FSHR: variants seen among roughly 807,000 people sequenced by gnomAD.
The protein encoded by FSHR is follicle-stimulating hormone receptor.
In FSHR, 46 loss-of-function variants were observed where a neutral mutation model predicts 52.1. The ratio of observed to expected loss-of-function variants is 0.88; its 90% CI spans 0.70 to 1.13. FSHR has a LOEUF of 1.13. Among genes scored for constraint, FSHR ranks in the 50% most tolerant of loss-of-function variants. FSHR has a pLI of 0.00. For missense variants in FSHR, 964 were observed against 834.6 expected (o/e 1.16, Z -1.91); for synonymous variants, 399 against 309.6 (o/e 1.29, Z -3.03).
intron 1 of FSHR, among the ~76,000 whole-genome samples, chr2:49,121,845 T>G (rs962336574): frequency 1.3e-5 from 2 of 152,194 alleles, no homozygotes; most frequent in Non-Finnish European, 2.9e-5. Flanking sequence ...GTTTCTTCTC[T>G]GCCTCATCCT....
intron 1 of FSHR, among the ~76,000 whole-genome samples, chr2:49,135,319 T>G (rs1672450793): frequency 6.6e-6 from 1 of 152,032 alleles, no homozygotes; most frequent in Non-Finnish European, 1.5e-5. Flanking sequence ...GGAAAAAATT[T>G]GGGAACTCAC....
chr2:49,036,328 A>G (rs1209540715), intron 2 of FSHR, among the ~76,000 whole-genome samples: 3 of 152,104 alleles, frequency 2.0e-5, no homozygotes, highest in Non-Finnish European at 1.5e-5. Context: ...TCTGTGTTTC[A>G]TCATCTCCAG....
Position 49,055,369 on chromosome 2 carries a change from C to T in FSHR, c.224+12850G>A, listed in dbSNP as rs558555125. 8.5e-4 allele frequency among the ~76,000 whole-genome samples: 128 copies of T among 150,572 alleles called. 3 individuals are homozygous for T. The highest frequency in any genetic ancestry group is 8.2e-3 in the Admixed American group (124 of 15,122). On this transcript the variant is annotated intron_variant, in intron 2 of 9. Coordinates refer to ENST00000406846, the MANE Select transcript of FSHR (RefSeq NM_000145.4). ...AATAATAAAAAATAATGAAGAAAGT[C>T]TACAAAATTTATGAGGCATAGTTAA...
intron 1 of FSHR, among the ~76,000 whole-genome samples, chr2:49,074,200 C>T (rs554958607): frequency 1.4e-5 from 2 of 145,746 alleles, no homozygotes; most frequent in African/African-American, 5.0e-5. Flanking sequence ...TTATGTCAAA[C>T]CAAAAAGCTT....
intron 1 of FSHR, among the ~76,000 whole-genome samples, chr2:49,147,337 C>G (rs1672905588): frequency 6.6e-6 from 1 of 151,914 alleles, no homozygotes; most frequent in African/African-American, 2.4e-5. Context: ...AATCTAAGCG[C>G]CTAAAGAAAA....
chr2:49,150,531 A>G (rs1366413137), intron 1 of FSHR, among the ~76,000 whole-genome samples: 1 of 152,094 alleles, frequency 6.6e-6, no homozygotes, highest in Non-Finnish European at 1.5e-5. Flanking sequence ...TGTCTCATGT[A>G]ATCCTCATAG....
intron 1 of FSHR, among the ~76,000 whole-genome samples, chr2:49,131,232 G>A (rs757948136): frequency 1.3e-4 from 20 of 152,042 alleles, no homozygotes; most frequent in Non-Finnish European, 2.6e-4. Flanking sequence ...AAAGAAAGAC[G>A]AGTTGAAGAC....
At chr2:48,978,557 A>G (rs1675096726) in intron 8 of FSHR, among the ~76,000 whole-genome samples, 1 of 152,260 alleles carries the variant, frequency 6.6e-6, no homozygotes, top group Middle Eastern at 3.2e-3. Flanking sequence ...TGCAAAGGCA[A>G]TGCATTAAAT....
intron 4 of FSHR, among the ~76,000 whole-genome samples, chr2:49,010,363 TC>T (rs1258884770): frequency 6.6e-6 from 1 of 151,128 alleles, no homozygotes; most frequent in Admixed American, 6.6e-5. Flanking sequence ...CAGCCTTGCA[TC>T]CCAGGGATGA....
intron 8 of FSHR, among the ~76,000 whole-genome samples, chr2:48,973,946 G>T (rs922870948): frequency 4.3e-5 from 5 of 116,680 alleles, no homozygotes; most frequent in African/African-American, 2.6e-4. Context: ...GCAGGCTTTT[G>T]TGTTCTGTAT....
At chr2:49,027,572 G>A (rs187046200) in intron 2 of FSHR, among the ~76,000 whole-genome samples, 4 of 152,216 alleles carry the variant, frequency 2.6e-5, no homozygotes, top group African/African-American at 2.4e-5. Context: ...AGGAAGGGCC[G>A]GGCGCAGTGG....
intron 1 of FSHR, among the ~76,000 whole-genome samples, chr2:49,077,303 G>C (rs1219980544): frequency 6.6e-6 from 1 of 152,188 alleles, no homozygotes; most frequent in Non-Finnish European, 1.5e-5. Flanking sequence ...CCAAGGCTTG[G>C]GGCTTGCACC....
chr2:49,029,165 T>G (rs944375321), intron 2 of FSHR, among the ~76,000 whole-genome samples: 1 of 152,220 alleles, frequency 6.6e-6, no homozygotes, highest in Non-Finnish European at 1.5e-5. Context: ...AAATCTATAT[T>G]TGACCTAATT....
intron 2 of FSHR, among the ~76,000 whole-genome samples, chr2:49,056,318 A>G (rs928378904): frequency 6.6e-6 from 1 of 151,826 alleles, no homozygotes; most frequent in African/African-American, 2.4e-5. Flanking sequence ...ACAAAACCCT[A>G]AAGTGAGCAG....
At position 48,963,021 on chromosome 2, in the gene FSHR, G is replaced by A; in HGVS notation, c.1800C>T (p.Pro600=). The stretch of plus-strand genomic sequence containing the variant: ...TCTTTGCTTTGGACACAGTGATGAG[G>A]GGCACCTTGAGGGAGGCAGAAATGG... The part of the protein sequence containing the change: ...FFAISASLKV[P]LITVSKAKIL... The change falls in exon 10 of 10, where the codon CCC becomes CCT. Residue 600 remains proline (P), a synonymous_variant. Coordinates refer to ENST00000406846, the MANE Select transcript of FSHR (RefSeq NM_000145.4). 1.2e-6 allele frequency: 2 copies of A among 1,614,088 alleles called. No homozygotes were observed. The highest frequency in any genetic ancestry group is 1.1e-5 in the South Asian group (1 of 91,086).
At chr2:49,086,943 T>G (rs1203538141) in intron 1 of FSHR, among the ~76,000 whole-genome samples, 1 of 152,164 alleles carries the variant, frequency 6.6e-6, no homozygotes, top group Non-Finnish European at 1.5e-5. Flanking sequence ...CCAGGCATCC[T>G]TATTTTAAAA....
Position 49,083,850 on chromosome 2 carries a change from C to T in FSHR, c.153-15560G>A, listed in dbSNP as rs957010549. On this transcript the variant is annotated intron_variant, in intron 1 of 9. Transcript: ENST00000406846. ...GAGCACCCAGATGCATAAAGCAAGT[C>T]CTGAGTGACCTACAAAGAGACTTAG... Among the ~76,000 whole-genome samples, 16 of 148,210 alleles carry T rather than the reference C, an allele frequency of 1.1e-4. 1 individual carries two copies. The highest frequency in any genetic ancestry group is 2.2e-4 in the South Asian group (1 of 4,554).
chr2:49,031,599 C>T (rs13008999), intron 2 of FSHR, among the ~76,000 whole-genome samples: 41,075 of 152,038 alleles, frequency 0.27, 6,640 homozygotes, highest in Non-Finnish European at 0.36. Flanking sequence ...CATTAATGCA[C>T]TCTAGTTCCA....
chr2:49,052,060 G>A (rs72827294), intron 2 of FSHR, among the ~76,000 whole-genome samples: 8,728 of 151,988 alleles, frequency 0.057, 459 homozygotes, highest in East Asian at 0.22. Flanking sequence ...ACAAAGAAAC[G>A]ACAAGAAAAT....
Sources: gnomAD v4.1 joint callset for allele counts (sites outside exome capture counted in the v4.1 genomes callset) on GRCh38, gnomAD v4.1.1 for gene constraint, MANE v1.5 for transcripts, NCBI Gene and HGNC (gene_info 2026-07-23, HGNC 2026-07-21) for gene names.